Variants in HORMAD2 observed in about 807,000 individuals in gnomAD.
HORMAD2 encodes the protein HORMA domain containing 2, also known as HORMA domain-containing protein 2.
Under a neutral mutation model 38.8 loss-of-function variants are expected in HORMAD2, and 45 were observed. The observed-to-expected ratio is 1.16, with a 90% CI of 0.91 to 1.49. The LOEUF is 1.49. Ranked by LOEUF, HORMAD2 falls within the 40% of genes most tolerant of loss-of-function variation. HORMAD2 has a pLI of 0.00. For synonymous variants in HORMAD2, 126 were observed against 122.8 expected (o/e 1.03, Z -0.17); for missense variants, 338 against 367.0 (o/e 0.92, Z 0.65).
intron 6 of HORMAD2, 110 bp downstream of exon 6, chr22:30,111,926 T>A (rs962526169): frequency 1.1e-4 from 78 of 734,586 alleles, no homozygotes; most frequent in Admixed American, 2.0e-4. Context: ...TTTTTTTTTT[T>A]AATCTGTCTT....
the HORMAD2 span, among the ~76,000 whole-genome samples, chr22:30,182,785 T>C: frequency 2.6e-5 from 4 of 152,078 alleles, no homozygotes; most frequent in Non-Finnish European, 5.9e-5. Flanking sequence ...TAAACAAAAA[T>C]AAAATATGTG....
chr22:30,193,354 C>G, the HORMAD2 span, among the ~76,000 whole-genome samples: 3 of 152,198 alleles, frequency 2.0e-5, no homozygotes, highest in Non-Finnish European at 2.9e-5. Context: ...TGAATACACA[C>G]TGGGGACCAA....
intron 10 of HORMAD2, among the ~76,000 whole-genome samples, chr22:30,171,544 C>T (rs1467227520): frequency 2.6e-5 from 4 of 152,140 alleles, no homozygotes; most frequent in Non-Finnish European, 5.9e-5. Context: ...AAGTTATCAC[C>T]TGTCTACCAC....
intron 10 of HORMAD2, among the ~76,000 whole-genome samples, chr22:30,133,179 T>C (rs1330226826): frequency 6.6e-6 from 1 of 152,150 alleles, no homozygotes; most frequent in Non-Finnish European, 1.5e-5. Context: ...CAATTTCCTA[T>C]AACTATATTC....
At chr22:30,083,651 T>C (rs986059803) in intron 1 of HORMAD2, among the ~76,000 whole-genome samples, 2 of 152,060 alleles carry the variant, frequency 1.3e-5, no homozygotes, top group Non-Finnish European at 2.9e-5. Context: ...GTTTCACTCT[T>C]GTTGCCCAGG....
intron 7 of HORMAD2, among the ~76,000 whole-genome samples, chr22:30,116,760 G>T (rs1922070874): frequency 1.3e-5 from 2 of 152,120 alleles, no homozygotes; most frequent in South Asian, 4.1e-4. Flanking sequence ...AAATAATAAA[G>T]TGTAAATAAA....
chr22:30,152,788 C>T (rs1338738886), intron 10 of HORMAD2, among the ~76,000 whole-genome samples: 1 of 152,140 alleles, frequency 6.6e-6, no homozygotes, highest in African/African-American at 2.4e-5. Context: ...TGGGCATCCC[C>T]AAACATCCCC....
At position 30,121,760 on chromosome 22, in the gene HORMAD2, T is replaced by A. The variant is rs747462566; in HGVS notation, c.539T>A (p.Leu180His). 2 of 1,612,330 alleles carry A rather than the reference T, an allele frequency of 1.2e-6. No homozygotes were observed. The highest frequency in any genetic ancestry group is 2.7e-5 in the African/African-American group (2 of 74,888). ...DLEPLPNNVV[L>H]TMKLHYYNAV... is the part of the protein sequence containing the mutation. ...GAGCCACTTCCTAATAATGTTGTAC[T>A]TACTATGAAACTCCACTACTATAAT... Residue 180 changes from leucine to histidine, a missense_variant, in exon 9 of 11, where the codon CTT becomes CAT. Physicochemically the swap from Leu to His is moderately conservative, Grantham distance 99 (BLOSUM62 -3). Transcript: ENST00000336726.
intron 10 of HORMAD2, among the ~76,000 whole-genome samples, chr22:30,162,761 G>C (rs1270840247): frequency 6.8e-6 from 1 of 147,846 alleles, no homozygotes; most frequent in Non-Finnish European, 1.5e-5. Context: ...GGAGTGCAGT[G>C]GCGCAATCTC....
intron 10 of HORMAD2, among the ~76,000 whole-genome samples, chr22:30,139,254 C>CTATATATA (rs3067131): frequency 0.048 from 4,604 of 96,396 alleles, 238 homozygotes; most frequent in African/African-American, 0.12. Context: ...ATGAACTGTA[C>CTATATATA]TATATATATA....
At chr22:30,204,008 T>C in the HORMAD2 span, among the ~76,000 whole-genome samples, 1 of 152,164 alleles carries the variant, frequency 6.6e-6, no homozygotes, top group Non-Finnish European at 1.5e-5. Flanking sequence ...CATCCTCACA[T>C]ACATCCTCAC....
chr22:30,127,719 A>G (rs570242027), intron 10 of HORMAD2, among the ~76,000 whole-genome samples: 126 of 152,330 alleles, frequency 8.3e-4, no homozygotes, highest in African/African-American at 2.7e-3. Flanking sequence ...ATGTATAGAC[A>G]TGAATATCCT....
chr22:30,150,725 G>T (rs746166953), intron 10 of HORMAD2, among the ~76,000 whole-genome samples: 1 of 152,130 alleles, frequency 6.6e-6, no homozygotes, highest in Non-Finnish European at 1.5e-5. Flanking sequence ...CAGCATGCAG[G>T]CTAGCCAACA....
At chr22:30,188,075 A>T in the HORMAD2 span, among the ~76,000 whole-genome samples, 18 of 151,662 alleles carry the variant, frequency 1.2e-4, no homozygotes, top group African/African-American at 1.9e-4. Flanking sequence ...TATCTTTTTT[A>T]AAAAAAACAT....
chr22:30,113,651 GTTCTC>G (rs1921828786), intron 7 of HORMAD2, among the ~76,000 whole-genome samples: 1 of 152,094 alleles, frequency 6.6e-6, no homozygotes, highest in Non-Finnish European at 1.5e-5. Context: ...GAAACTTTCT[GTTCTC>G]TTCTCACTTT....
At chr22:30,199,823 A>G in the HORMAD2 span, among the ~76,000 whole-genome samples, 2 of 151,672 alleles carry the variant, frequency 1.3e-5, no homozygotes, top group African/African-American at 2.4e-5. Context: ...TGACGAGTCA[A>G]GGATGGCCCG....
At chr22:30,158,583 CT>C (rs1925240046) in intron 10 of HORMAD2, among the ~76,000 whole-genome samples, 1 of 81,748 alleles carries the variant, frequency 1.2e-5, no homozygotes, top group African/African-American at 5.7e-5. Flanking sequence ...CCTTCCCCTT[CT>C]CCTTCCTTCC....
chr22:30,167,116 G>A (rs900891047), intron 10 of HORMAD2, among the ~76,000 whole-genome samples: 4 of 152,084 alleles, frequency 2.6e-5, no homozygotes, highest in East Asian at 1.9e-4. Flanking sequence ...TCTTTGCCTC[G>A]TCCAGCTTCT....
chr22:30,149,264 A>G (rs1924605193), intron 10 of HORMAD2, among the ~76,000 whole-genome samples: 1 of 152,198 alleles, frequency 6.6e-6, no homozygotes, highest in African/African-American at 2.4e-5. Flanking sequence ...TCCTAAATCA[A>G]TTCCAAACTT....
Sources: gnomAD v4.1 joint callset for allele counts (sites outside exome capture counted in the v4.1 genomes callset) on GRCh38, gnomAD v4.1.1 for gene constraint, MANE v1.5 for transcripts, NCBI Gene and HGNC (gene_info 2026-07-23, HGNC 2026-07-21) for gene names.